DMD: variants seen among roughly 807,000 people sequenced by gnomAD.
The protein encoded by DMD is mutant dystrophin.
Under a neutral mutation model 330.1 loss-of-function variants are expected in DMD, and 63 were observed. The observed-to-expected ratio is 0.19, with a 90% CI of 0.16 to 0.24. The LOEUF (loss-of-function observed/expected upper bound fraction) is 0.24, where lower values mean the gene tolerates loss of function less well. DMD is among the 10% of genes least tolerant of loss of function. DMD has a pLI of 1.00. For missense variants in DMD, 3,344 were observed against 2,684.1 expected, an observed-to-expected ratio of 1.25 and a Z score of -5.43; for synonymous variants, 1,223 against 959.8, an observed-to-expected ratio of 1.27 and a Z score of -5.07.
chrX:32,236,003 CTAATT>C (rs775780971), intron 43 of DMD, among the ~76,000 whole-genome samples: 7 of 111,009 alleles, frequency 6.3e-5, no homozygotes, highest in Non-Finnish European at 1.3e-4. Flanking sequence ...GTTCTCTAAC[CTAATT>C]TTTTAAGGAA....
At chrX:31,973,925 T>A (rs985889572) in intron 44 of DMD, among the ~76,000 whole-genome samples, 1 of 111,634 alleles carries the variant, frequency 9.0e-6, no homozygotes, top group Non-Finnish European at 1.9e-5. Context: ...GACCTCCAGA[T>A]CTTTTATTAG....
At chrX:33,090,064 C>T (rs762114275) in intron 1 of DMD, among the ~76,000 whole-genome samples, 1 of 111,226 alleles carries the variant, frequency 9.0e-6, no homozygotes, top group South Asian at 3.8e-4. Flanking sequence ...ACTTTAACCA[C>T]GAAGTAAGTG....
upstream of DMD, among the ~76,000 whole-genome samples, chrX:33,215,399 T>A (rs986952877): frequency 7.2e-5 from 8 of 111,574 alleles, no homozygotes; most frequent in Non-Finnish European, 1.5e-4. Flanking sequence ...GTTTGTTGAT[T>A]TAAGTTTCTT....
chrX:32,910,846 C>G (rs995892879), intron 2 of DMD, among the ~76,000 whole-genome samples: 1 of 112,056 alleles, frequency 8.9e-6, no homozygotes, highest in Admixed American at 9.5e-5. Flanking sequence ...TGCTTTCTCT[C>G]AAGTAGTATC....
rs758661441 is a variant in DMD, at chrX:33,136,306, A to C, written c.31+74976T>G. On this transcript the variant is annotated intron_variant, in intron 1 of 78. Transcript: ENST00000357033. Reference sequence around the variant, plus strand: ...AAAAAAAAAAAAAAAAAAAAAAAAAACCACAACAGATTCCTCTTAAAATAT... The same window carrying C: ...AAAAAAAAAAAAAAAAAAAAAAAAACCCACAACAGATTCCTCTTAAAATAT... Among the ~76,000 whole-genome samples, 359 of 89,268 alleles carry C rather than the reference A, an allele frequency of 4.0e-3. 4 individuals are homozygous for C. Among genetic ancestry groups the C allele is most frequent in the African/African-American group, 0.014 (339 of 24,563 alleles). The allele number at this position is 89,268 out of a possible 115,157, so 77.5% of individuals were successfully genotyped here.
At chrX:33,031,685 C>T (rs747265108) in intron 1 of DMD, among the ~76,000 whole-genome samples, 2 of 110,880 alleles carry the variant, frequency 1.8e-5, no homozygotes, top group East Asian at 5.7e-4. Flanking sequence ...GCAGGAGAAT[C>T]ACTTGAACCT....
intron 54 of DMD, among the ~76,000 whole-genome samples, chrX:31,647,890 G>A (rs1411719702): frequency 8.9e-6 from 1 of 112,124 alleles, no homozygotes; most frequent in Non-Finnish European, 1.9e-5. Flanking sequence ...TGCTTTGAAT[G>A]GGGAATTGAT....
chrX:32,680,751 C>G (rs1054066838), intron 9 of DMD, among the ~76,000 whole-genome samples: 1 of 110,258 alleles, frequency 9.1e-6, no homozygotes, highest in Non-Finnish European at 1.9e-5. Context: ...TCTCTCTCCC[C>G]CCATCAACTC....
At chrX:32,650,706 T>A (rs1602526894) in intron 9 of DMD, among the ~76,000 whole-genome samples, 1 of 112,093 alleles carries the variant, frequency 8.9e-6, no homozygotes, top group East Asian at 2.8e-4. Context: ...AATAGGTAAT[T>A]TTTAATATAG....
chrX:32,894,524 C>T (rs2085525863), intron 2 of DMD, among the ~76,000 whole-genome samples: 1 of 112,620 alleles, frequency 8.9e-6, no homozygotes, highest in South Asian at 3.6e-4. Context: ...TTACTTAACC[C>T]TCTGCCCTTA....
chrX:32,006,514 C>T (rs1041294084), intron 44 of DMD, among the ~76,000 whole-genome samples: 11 of 111,457 alleles, frequency 9.9e-5, no homozygotes, highest in African/African-American at 3.3e-4. Context: ...TGATTAAGAG[C>T]TCACAGTGAG....
chrX:31,453,559 T>C (rs943832880), intron 59 of DMD, among the ~76,000 whole-genome samples: 1 of 110,070 alleles, frequency 9.1e-6, no homozygotes, highest in Non-Finnish European at 1.9e-5. Flanking sequence ...CGTAAATGTA[T>C]GTAATGCCAT....
At chrX:31,680,457 G>A (rs1174715893) in intron 52 of DMD, among the ~76,000 whole-genome samples, 3 of 108,964 alleles carry the variant, frequency 2.8e-5, no homozygotes, top group African/African-American at 6.7e-5. Flanking sequence ...TGCAACCTCC[G>A]CCTCCCGGGT....
chrX:33,029,114 G>T (rs893095431), intron 1 of DMD, among the ~76,000 whole-genome samples: 1 of 111,476 alleles, frequency 9.0e-6, no homozygotes, highest in Non-Finnish European at 1.9e-5. Flanking sequence ...CTAGACCAAT[G>T]CTTTCCCCCT....
At chrX:32,177,634 C>T (rs1367074933) in intron 44 of DMD, among the ~76,000 whole-genome samples, 1 of 110,950 alleles carries the variant, frequency 9.0e-6, no homozygotes, top group East Asian at 2.9e-4. Flanking sequence ...CTCAATCTCT[C>T]TCTCTCTCTC....
chrX:32,779,627 G>T, intron 7 of DMD, among the ~76,000 whole-genome samples: 1 of 101,776 alleles, frequency 9.8e-6, no homozygotes, highest in Non-Finnish European at 2.0e-5. Context: ...TGCTGAGAAT[G>T]ATGGTTTCCA....
In DMD at chrX:31,774,147, T is replaced by C; in HGVS notation, c.7355A>G (p.Lys2452Arg). 5.0e-6 allele frequency: 6 copies of C among 1,210,937 alleles called. No homozygotes were observed. The highest frequency in any genetic ancestry group is 6.7e-6 in the Non-Finnish European group (6 of 894,938). ...TTCTAGTTTGGAGATGGCAGTTTCC[T>C]TAGTAACCACAGGTTGTGTCACCAG... ...VTLVTQPVVTKETAISKLEMP... is the reference protein window; with the variant it reads ...VTLVTQPVVTRETAISKLEMP... Residue 2452 changes from lysine to arginine, a missense_variant, in exon 51 of 79, where the codon AAG (lysine) becomes AGG (arginine). Lys to Arg is a conservative substitution (Grantham distance 26). Transcript: ENST00000357033.
chrX:32,055,811 C>T (rs1244605735), intron 44 of DMD, among the ~76,000 whole-genome samples: 3 of 111,560 alleles, frequency 2.7e-5, no homozygotes, highest in Non-Finnish European at 3.8e-5. Context: ...AATCCAGTGG[C>T]TCTACTATTT....
Position 31,261,085 on chromosome X carries a change from A to T in DMD, c.9225-69T>A. On this transcript the variant is annotated intron_variant, in intron 62 of 78. Transcript: ENST00000357033. ...GTAGTCAAGAAAACAGGAAAAAAGAAAACAACAATAACAACAACATGATTT... is the reference window on the plus strand; with the variant it reads ...GTAGTCAAGAAAACAGGAAAAAAGATAACAACAATAACAACAACATGATTT... 2 of 942,832 alleles carry T rather than the reference A, an allele frequency of 2.1e-6. No homozygotes were observed. Among genetic ancestry groups the T allele is most frequent in the African/African-American group, 3.8e-5 (2 of 52,325 alleles). The allele number at this position is 942,832 out of a possible 1,213,427, so 77.7% of individuals were successfully genotyped here. A position where few individuals can be genotyped will look rare whatever the true frequency, so the allele number is the denominator to read the frequency against.
Sources: gnomAD v4.1 joint callset for allele counts (sites outside exome capture counted in the v4.1 genomes callset) on GRCh38, gnomAD v4.1.1 for gene constraint, MANE v1.5 for transcripts, NCBI Gene and HGNC (gene_info 2026-07-23, HGNC 2026-07-21) for gene names.